The following TLN2 variants were observed in gnomAD, a reference collection of about 807,000 sequenced individuals.
TLN2 encodes talin 2.
TLN2 carries 118 observed loss-of-function variants against 294.7 expected under a neutral mutation model. That is an observed-to-expected ratio of 0.40 (90% CI 0.34 to 0.47). TLN2 has a LOEUF of 0.47. TLN2 is among the 20% of genes least tolerant of loss of function. TLN2 has a pLI of 0.84. For synonymous variants in TLN2, 1,431 were observed against 1,304.5 expected, an observed-to-expected ratio of 1.10 and a Z score of -2.09; for missense variants, 3,083 against 3,282.2, an observed-to-expected ratio of 0.94 and a Z score of 1.48.
At chr15:62,504,805 A>G (rs2039498944) in intron 1 of TLN2, among the ~76,000 whole-genome samples, 1 of 140,786 alleles carries the variant, frequency 7.1e-6, no homozygotes, top group East Asian at 2.8e-4. Context: ...GGGTAACAGA[A>G]AGTAGTTGGT....
Position 62,434,141 on chromosome 15 carries a change from C to G in TLN2, c.-238+43456C>G, listed in dbSNP as rs150164006. ...GCATGCAGTGAAAAGTAACTTTGCTCCAATCCATCCACTAAAAACTAAGGT... is the reference window on the plus strand; with the variant it reads ...GCATGCAGTGAAAAGTAACTTTGCTGCAATCCATCCACTAAAAACTAAGGT... On this transcript the variant is annotated intron_variant, in intron 1 of 58. Coordinates refer to ENST00000636159, the MANE Select transcript of TLN2 (RefSeq NM_015059.3). Among the ~76,000 whole-genome samples, 28 of 152,272 alleles carry G rather than the reference C, an allele frequency of 1.8e-4. No homozygotes were observed. In the East Asian group the frequency reaches 5.0e-3, roughly 27 times the overall value.
chr15:62,725,733 G>A (rs1445928439), intron 27 of TLN2, among the ~76,000 whole-genome samples: 2 of 152,122 alleles, frequency 1.3e-5, no homozygotes, highest in African/African-American at 4.8e-5. Context: ...TATTAACCCC[G>A]TTTACAGATG....
chr15:62,784,793 C>T (rs2064501277), intron 45 of TLN2: 1 of 152,224 alleles, frequency 6.6e-6, no homozygotes, highest in South Asian at 2.1e-4. Context: ...TTATTGAGCG[C>T]AAACCATGTT....
At chr15:62,568,195 G>T (rs1031885543) in intron 1 of TLN2, among the ~76,000 whole-genome samples, 1 of 152,136 alleles carries the variant, frequency 6.6e-6, no homozygotes, top group African/African-American at 2.4e-5. Context: ...GCTGGGGCTG[G>T]CAGGGCTGGG....
chr15:62,820,400 A>G lies in TLN2; in HGVS notation c.6878-86A>G, dbSNP rs1596118320. Reference sequence around the variant, plus strand: ...GGTCAGGCTCCTGGAGCCTTCATGCATGCAAATCCAGATAGTGTTTTTAAT... The same window carrying G: ...GGTCAGGCTCCTGGAGCCTTCATGCGTGCAAATCCAGATAGTGTTTTTAAT... On this transcript the variant is annotated intron_variant, in intron 53 of 58. Transcript: ENST00000636159. The G allele has an allele frequency of 7.5e-6, 11 of 1,466,378 alleles. No homozygotes were observed. The East Asian group carries it at 1.8e-4, about 24-fold the overall frequency. 90.8% of individuals were successfully genotyped at this position (1,466,378 alleles called of 1,614,324 possible).
chr15:62,783,293 T>C (rs1406713864), intron 44 of TLN2, among the ~76,000 whole-genome samples: 1 of 152,248 alleles, frequency 6.6e-6, no homozygotes, highest in East Asian at 1.9e-4. Flanking sequence ...GGGTGGGACC[T>C]GCTTCAGGGC....
rs534402956 is a variant in TLN2 at position 62,470,393 on chromosome 15, A to G, written c.-238+79708A>G. On this transcript the variant is annotated intron_variant, in intron 1 of 58. Coordinates refer to ENST00000636159, the MANE Select transcript of TLN2 (RefSeq NM_015059.3). ...GCTCAGGCATTAGTCACTACATCCAATGGCGAGTTCCCTTAAGTCAAAGGC... is the reference window on the plus strand; with the variant it reads ...GCTCAGGCATTAGTCACTACATCCAGTGGCGAGTTCCCTTAAGTCAAAGGC... 1.2e-4 allele frequency among the ~76,000 whole-genome samples: 19 copies of G among 152,342 alleles called. No individual in the cohort carries two copies. The Middle Eastern group carries it at 0.01, about 82-fold the overall frequency.
At chr15:62,736,306 ACT>A (rs2061007423) in intron 28 of TLN2, among the ~76,000 whole-genome samples, 1 of 148,688 alleles carries the variant, frequency 6.7e-6, no homozygotes, top group Non-Finnish European at 1.5e-5. Flanking sequence ...GGCGACAGAG[ACT>A]CTGTCTCAAA....
chr15:62,749,733 G>GGA (rs1410763823), intron 33 of TLN2, among the ~76,000 whole-genome samples: 1 of 152,166 alleles, frequency 6.6e-6, no homozygotes, highest in Non-Finnish European at 1.5e-5. Context: ...TGCATCCCCA[G>GGA]GAAAAGTCCC....
At chr15:62,581,809 C>T (rs966937591) in intron 1 of TLN2, among the ~76,000 whole-genome samples, 3 of 151,924 alleles carry the variant, frequency 2.0e-5, no homozygotes, top group Non-Finnish European at 2.9e-5. Context: ...TTTGGGAGGC[C>T]GAGGCAGGCA....
At chr15:62,508,382 A>C (rs960572010) in intron 1 of TLN2, among the ~76,000 whole-genome samples, 61 of 151,966 alleles carry the variant, frequency 4.0e-4, no homozygotes, top group African/African-American at 1.5e-3. Context: ...ACACCCAGCT[A>C]ATTTTTGTAT....
At chr15:62,416,039 C>A (rs1443419899) in intron 1 of TLN2, among the ~76,000 whole-genome samples, 1 of 152,190 alleles carries the variant, frequency 6.6e-6, no homozygotes, top group Non-Finnish European at 1.5e-5. Context: ...TGGCTCATGC[C>A]TATAATCCCA....
At chr15:62,394,773 A>G (rs989510357) in intron 1 of TLN2, among the ~76,000 whole-genome samples, 4 of 152,140 alleles carry the variant, frequency 2.6e-5, no homozygotes, top group Admixed American at 2.6e-4. Context: ...CACCCTGACA[A>G]TCTTTGGCTT....
At chr15:62,640,906 A>G (rs986921700) in intron 3 of TLN2, among the ~76,000 whole-genome samples, 1 of 151,876 alleles carries the variant, frequency 6.6e-6, no homozygotes, top group African/African-American at 2.4e-5. Context: ...GGTTCCAGCA[A>G]TTTTCCTGCC....
intron 18 of TLN2, 110 bp from the exon 19 acceptor site, chr15:62,702,656 T>A (rs2141101809): frequency 9.5e-7 from 1 of 1,054,318 alleles, no homozygotes; most frequent in South Asian, 1.4e-5. Flanking sequence ...ATTCTCACTG[T>A]CAGACAAAGG....
At chr15:62,759,800 T>C (rs1212963433) in intron 37 of TLN2, among the ~76,000 whole-genome samples, 1 of 152,204 alleles carries the variant, frequency 6.6e-6, no homozygotes, top group African/African-American at 2.4e-5. Context: ...CACTCCAAAG[T>C]CCACTCTTGC....
chr15:62,543,710 G>A (rs969318178), intron 1 of TLN2, among the ~76,000 whole-genome samples: 64 of 148,386 alleles, frequency 4.3e-4, no homozygotes, highest in South Asian at 1.3e-3. Context: ...AGCCAAGATC[G>A]TGCCACTGCA....
chr15:62,782,239 C>T (rs1366847267), intron 44 of TLN2, among the ~76,000 whole-genome samples: 1 of 152,214 alleles, frequency 6.6e-6, no homozygotes, highest in African/African-American at 2.4e-5. Context: ...GCCATTCATT[C>T]ATGGAAACTC....
rs916417687 is a variant in TLN2 at position 62,843,196 on chromosome 15, T to A, written c.*2586T>A. 6.6e-6 allele frequency: 1 copy of A among 152,182 alleles called. No individual in the cohort carries two copies. Among genetic ancestry groups the A allele is most frequent in the Non-Finnish European group, 1.5e-5 (1 of 68,034 alleles). 9.4% of individuals were successfully genotyped at this position (152,182 alleles called of 1,614,324 possible). ...AGAGAGCCGGTGTGTTGACATGTGG[T>A]TCTTCTCACACCCCTCTACTCCTCG... On this transcript the variant is annotated 3_prime_UTR_variant, in exon 59 of 59. Transcript: ENST00000636159.
Sources: allele counts gnomAD v4.1 joint callset (sites outside exome capture counted in the v4.1 genomes callset), GRCh38; gene constraint gnomAD v4.1.1; transcripts MANE v1.5; gene names NCBI Gene and HGNC (gene_info 2026-07-23, HGNC 2026-07-21).